KLHL1: variants seen among roughly 807,000 people sequenced by gnomAD.
KLHL1 encodes kelch like family member 1.
Under a neutral mutation model 77.7 loss-of-function variants are expected in KLHL1, and 47 were observed. The ratio of observed to expected loss-of-function variants is 0.60; its 90% CI spans 0.48 to 0.77. The LOEUF (loss-of-function observed/expected upper bound fraction) is 0.77, where lower values mean the gene tolerates loss of function less well. KLHL1 is among the 30% of genes least tolerant of loss of function. The pLI, the probability that KLHL1 is intolerant of heterozygous loss-of-function variation, is 0.00. For synonymous variants in KLHL1, 360 were observed against 325.2 expected, an observed-to-expected ratio of 1.11 and a Z score of -1.15; for missense variants, 925 against 910.8, an observed-to-expected ratio of 1.02 and a Z score of -0.20.
intron 1 of KLHL1, among the ~76,000 whole-genome samples, chr13:69,998,728 G>A (rs551970522): frequency 2.0e-5 from 3 of 152,034 alleles, no homozygotes; most frequent in Admixed American, 6.6e-5. Context: ...TTCAGAAATC[G>A]GTTCTCTGAT....
intron 6 of KLHL1, among the ~76,000 whole-genome samples, chr13:69,809,349 C>T (rs1454376877): frequency 6.6e-6 from 1 of 152,086 alleles, no homozygotes; most frequent in Non-Finnish European, 1.5e-5. Flanking sequence ...GGCAGACTAA[C>T]AACATATTTC....
intron 1 of KLHL1, among the ~76,000 whole-genome samples, chr13:70,099,891 TAATC>T (rs537790818): frequency 1.0e-3 from 159 of 152,176 alleles, no homozygotes; most frequent in African/African-American, 3.7e-3. Flanking sequence ...TATTCATTCT[TAATC>T]TATTTATGTA....
intron 4 of KLHL1, chr13:69,894,427 T>C: frequency 6.1e-6 from 1 of 162,656 alleles, no homozygotes; most frequent in South Asian, 1.7e-4. Flanking sequence ...ACATCTCCCC[T>C]TGAACCAAAT....
intron 9 of KLHL1, among the ~76,000 whole-genome samples, chr13:69,712,228 G>A (rs1875909025): frequency 6.7e-6 from 1 of 149,500 alleles, no homozygotes; most frequent in African/African-American, 2.5e-5. Context: ...ATGATCCTAT[G>A]TAGGTCCAGG....
chr13:70,025,495 G>A (rs1023629553), intron 1 of KLHL1, among the ~76,000 whole-genome samples: 72 of 151,996 alleles, frequency 4.7e-4, no homozygotes, highest in African/African-American at 1.5e-3. Flanking sequence ...ACAAGAACAT[G>A]CATGAAATAT....
At chr13:69,947,752 G>C (rs1883576913) in intron 3 of KLHL1, among the ~76,000 whole-genome samples, 1 of 152,210 alleles carries the variant, frequency 6.6e-6, no homozygotes, top group Middle Eastern at 3.4e-3. Flanking sequence ...ATATTAGCCA[G>C]TGTCAAGCTT....
chr13:69,827,264 T>C (rs1046407426), intron 6 of KLHL1, among the ~76,000 whole-genome samples: 100 of 151,026 alleles, frequency 6.6e-4, no homozygotes, highest in African/African-American at 2.3e-3. Context: ...ATTTCTTATA[T>C]TTCAAATATG....
At chr13:69,829,871 G>T (rs1269454532) in intron 6 of KLHL1, among the ~76,000 whole-genome samples, 1 of 150,100 alleles carries the variant, frequency 6.7e-6, no homozygotes, top group Non-Finnish European at 1.5e-5. Flanking sequence ...ATGAAGAAAA[G>T]ATATAATAAT....
chr13:70,010,814 C>T (rs1003880115), intron 1 of KLHL1, among the ~76,000 whole-genome samples: 2 of 151,776 alleles, frequency 1.3e-5, no homozygotes, highest in Non-Finnish European at 2.9e-5. Flanking sequence ...ATTGCTAGAA[C>T]CCAAGAGGCA....
chr13:69,777,166 A>G (rs1030673035), intron 7 of KLHL1, among the ~76,000 whole-genome samples: 1 of 152,026 alleles, frequency 6.6e-6, no homozygotes, highest in African/African-American at 2.4e-5. Flanking sequence ...ATCATGTAAG[A>G]CGTGCCTTTG....
intron 8 of KLHL1, among the ~76,000 whole-genome samples, chr13:69,721,563 T>C (rs968128791): frequency 2.0e-5 from 3 of 152,116 alleles, no homozygotes; most frequent in African/African-American, 7.2e-5. Context: ...AAATCTATAA[T>C]ATTCAATTTC....
chr13:69,948,887 A>T (rs1883615445), intron 3 of KLHL1, among the ~76,000 whole-genome samples: 1 of 151,958 alleles, frequency 6.6e-6, no homozygotes, highest in Non-Finnish European at 1.5e-5. Context: ...AAAATTCACA[A>T]CGTAAATCAA....
At chr13:70,035,161 C>A (rs2439608) in intron 1 of KLHL1, among the ~76,000 whole-genome samples, 2,300 of 152,034 alleles carry the variant, frequency 0.015, 47 homozygotes, top group African/African-American at 0.052. Flanking sequence ...TTTATTGCAG[C>A]ATTATTCACA....
At chr13:69,743,511 G>A (rs1191703055) in intron 7 of KLHL1, among the ~76,000 whole-genome samples, 5 of 152,172 alleles carry the variant, frequency 3.3e-5, no homozygotes, top group Admixed American at 1.3e-4. Flanking sequence ...AGGGCTGGAC[G>A]TGGTGGCTCA....
At chr13:69,792,786 G>A (rs564633955) in intron 7 of KLHL1, among the ~76,000 whole-genome samples, 1 of 152,074 alleles carries the variant, frequency 6.6e-6, no homozygotes, top group African/African-American at 2.4e-5. Flanking sequence ...TACACAAAAG[G>A]CCAGAAATTG....
At chr13:69,928,593 A>C (rs960093377) in intron 4 of KLHL1, among the ~76,000 whole-genome samples, 3 of 152,224 alleles carry the variant, frequency 2.0e-5, no homozygotes, top group Non-Finnish European at 4.4e-5. Context: ...ATTTCACAAT[A>C]CAAATAAATA....
chr13:69,863,267 T>C (rs1331479726), intron 5 of KLHL1, among the ~76,000 whole-genome samples: 1 of 151,932 alleles, frequency 6.6e-6, no homozygotes, highest in South Asian at 2.1e-4. Flanking sequence ...TATTTAGTAG[T>C]TATATTTTAA....
intron 7 of KLHL1, among the ~76,000 whole-genome samples, chr13:69,786,795 C>A (rs1381411941): frequency 1.3e-5 from 2 of 152,178 alleles, no homozygotes; most frequent in African/African-American, 4.8e-5. Flanking sequence ...AGCTGATAAG[C>A]AACTTCAGCA....
chr13:70,018,508 C>A (rs1885713909), intron 1 of KLHL1, among the ~76,000 whole-genome samples: 1 of 152,270 alleles, frequency 6.6e-6, no homozygotes, highest in South Asian at 2.1e-4. Flanking sequence ...GATTTAGAGA[C>A]TGATGCAGAG....
Sources: gnomAD v4.1 joint callset for allele counts (sites outside exome capture counted in the v4.1 genomes callset) on GRCh38, gnomAD v4.1.1 for gene constraint, MANE v1.5 for transcripts, NCBI Gene and HGNC (gene_info 2026-07-23, HGNC 2026-07-21) for gene names.